The following EPS15 variants were observed in gnomAD, a reference collection of about 807,000 sequenced individuals.
EPS15 encodes epidermal growth factor receptor substrate 15.
Under a neutral mutation model 113.8 loss-of-function variants are expected in EPS15, and 72 were observed. The ratio of observed to expected loss-of-function variants is 0.63; its 90% CI spans 0.52 to 0.77. EPS15 has a LOEUF of 0.77. Ranked by LOEUF, EPS15 falls within the 30% of genes least tolerant of loss-of-function variation. EPS15 has a pLI of 0.00. For missense variants in EPS15, 1,048 were observed against 1,045.8 expected (o/e 1.00, Z -0.03); for synonymous variants, 344 against 363.4 (o/e 0.95, Z 0.61).
intron 1 of EPS15, among the ~76,000 whole-genome samples, chr1:51,483,014 T>C (rs1557512983): frequency 6.6e-6 from 1 of 152,212 alleles, no homozygotes; most frequent in Non-Finnish European, 1.5e-5. Context: ...GAGTATTAAA[T>C]GAAAAATTCC....
chr1:51,366,539 A>G (rs1557770007), intron 21 of EPS15, among the ~76,000 whole-genome samples: 3 of 152,248 alleles, frequency 2.0e-5, no homozygotes. Context: ...AATGATTTAT[A>G]GGTAAAGTAA....
chr1:51,393,598 C>T (rs558832882), intron 21 of EPS15, among the ~76,000 whole-genome samples: 112 of 152,310 alleles, frequency 7.4e-4, no homozygotes, highest in African/African-American at 2.6e-3. Flanking sequence ...ACTCTGTATT[C>T]ACCTAGAAAA....
intron 12 of EPS15, chr1:51,423,806 A>C: frequency 8.1e-5 from 65 of 797,762 alleles, no homozygotes; most frequent in Non-Finnish European, 9.7e-5. Context: ...AAGGAAGCTC[A>C]CTTGGTGAAA....
intron 1 of EPS15, among the ~76,000 whole-genome samples, chr1:51,495,512 C>A (rs1452578702): frequency 2.0e-5 from 3 of 151,518 alleles, no homozygotes; most frequent in Non-Finnish European, 2.9e-5. Flanking sequence ...TACTATAGAC[C>A]TAACATTTTA....
chr1:51,370,608 TTTTG>T (rs1646623600), intron 21 of EPS15, among the ~76,000 whole-genome samples: 2 of 151,876 alleles, frequency 1.3e-5, no homozygotes, highest in African/African-American at 2.4e-5. Context: ...TTTATTATTA[TTTTG>T]TTTGTTAGGC....
intron 12 of EPS15, among the ~76,000 whole-genome samples, chr1:51,431,827 A>G (rs930953126): frequency 7.9e-5 from 12 of 152,178 alleles, no homozygotes; most frequent in Non-Finnish European, 1.0e-4. Flanking sequence ...AAAGAAACTA[A>G]CAGAAAAGAA....
At chr1:51,451,436 A>T (rs1323495674) in intron 8 of EPS15, among the ~76,000 whole-genome samples, 3 of 146,740 alleles carry the variant, frequency 2.0e-5, no homozygotes, top group African/African-American at 7.7e-5. Flanking sequence ...GACTGCAATG[A>T]CCTGAGATTG....
At chr1:51,367,988 C>T (rs376528226) in intron 21 of EPS15, among the ~76,000 whole-genome samples, 8 of 152,034 alleles carry the variant, frequency 5.3e-5, no homozygotes, top group African/African-American at 4.8e-5. Context: ...AAAAATTAGA[C>T]GGGCATGGTG....
At chr1:51,506,258 T>A (rs1248519901) in intron 1 of EPS15, among the ~76,000 whole-genome samples, 2 of 152,204 alleles carry the variant, frequency 1.3e-5, no homozygotes, top group Non-Finnish European at 2.9e-5. Context: ...CTCATATTTT[T>A]AAATGCAGGT....
chr1:51,378,515 C>T lies in EPS15; in HGVS notation c.2120-12486G>A, dbSNP rs534743871. The stretch of plus-strand genomic sequence containing the variant: ...ATAATGTCTCCAAGGTATGGCTGTA[C>T]TTGATTTTGGTTTCTCCATCTAAAA... On this transcript the variant is annotated intron_variant, in intron 21 of 24. Coordinates refer to ENST00000371733, the MANE Select transcript of EPS15 (RefSeq NM_001981.3). Among the ~76,000 whole-genome samples the T allele has an allele frequency of 1.1e-3, 160 of 152,166 alleles. 1 individual carries two copies. The highest frequency in any genetic ancestry group is 3.7e-3 in the African/African-American group (155 of 41,506).
At chr1:51,488,674 C>T (rs1214243486) in intron 1 of EPS15, among the ~76,000 whole-genome samples, 1 of 152,054 alleles carries the variant, frequency 6.6e-6, no homozygotes, top group Non-Finnish European at 1.5e-5. Context: ...TGCCTCAAAC[C>T]TCTGAGCTTA....
chr1:51,499,346 C>T (rs961788092), intron 1 of EPS15, among the ~76,000 whole-genome samples: 20 of 152,026 alleles, frequency 1.3e-4, no homozygotes, highest in African/African-American at 4.4e-4. Context: ...TATGCATGCA[C>T]CACATTTTTT....
At chr1:51,499,230 T>A (rs1372073530) in intron 1 of EPS15, among the ~76,000 whole-genome samples, 1 of 152,198 alleles carries the variant, frequency 6.6e-6, no homozygotes, top group Non-Finnish European at 1.5e-5. Context: ...AAGACACATA[T>A]AAAAACAAAC....
In EPS15 at chr1:51,360,250, T is replaced by G. The variant is rs545490621; in HGVS notation, c.2544+921A>C. 1.6e-4 allele frequency among the ~76,000 whole-genome samples: 24 copies of G among 152,124 alleles called. 1 individual carries two copies. The South Asian group carries it at 4.4e-3, about 28-fold the overall frequency. On this transcript the variant is annotated intron_variant, in intron 24 of 24. Coordinates refer to ENST00000371733, the MANE Select transcript of EPS15 (RefSeq NM_001981.3). ...CATCTCAAGGGCATAAGGTGATAAA[T>G]AGAAGAAAATCTCTGTTTTATAGAA...
chr1:51,380,032 G>C (rs72910237), intron 21 of EPS15, among the ~76,000 whole-genome samples: 2,108 of 150,372 alleles, frequency 0.014, 51 homozygotes, highest in African/African-American at 0.05. Flanking sequence ...CTGCATTCCA[G>C]CCTGGAGTGA....
chr1:51,469,644 C>T (rs568191713), intron 4 of EPS15, among the ~76,000 whole-genome samples: 5 of 152,300 alleles, frequency 3.3e-5, no homozygotes, highest in Middle Eastern at 3.4e-3. Flanking sequence ...CCCCCATACC[C>T]TTCATACCCA....
chr1:51,470,172 T>C (rs564495029), intron 4 of EPS15, among the ~76,000 whole-genome samples: 10 of 152,304 alleles, frequency 6.6e-5, no homozygotes, highest in South Asian at 2.1e-4. Flanking sequence ...CTGCTACTTA[T>C]AGTTGTGAGG....
intron 21 of EPS15, among the ~76,000 whole-genome samples, chr1:51,386,651 G>C (rs1306963036): frequency 6.6e-6 from 1 of 151,912 alleles, no homozygotes; most frequent in Admixed American, 6.6e-5. Flanking sequence ...AAGACCAAAA[G>C]TCGAGAACTA....
chr1:51,456,160 C>T (rs1653981027), intron 8 of EPS15, among the ~76,000 whole-genome samples: 1 of 152,046 alleles, frequency 6.6e-6, no homozygotes, highest in Non-Finnish European at 1.5e-5. Flanking sequence ...CTCATTTATG[C>T]TATAAAATAA....
Sources: gnomAD v4.1 joint callset for allele counts (sites outside exome capture counted in the v4.1 genomes callset) on GRCh38, gnomAD v4.1.1 for gene constraint, MANE v1.5 for transcripts, NCBI Gene and HGNC (gene_info 2026-07-23, HGNC 2026-07-21) for gene names.